ST3GAL4: variants seen among roughly 807,000 people sequenced by gnomAD.
The protein encoded by ST3GAL4 is CMP-N-acetylneuraminate-beta-galactosamide-alpha-2,3-sialyltransferase 4.
ST3GAL4 carries 24 observed loss-of-function variants against 42.6 expected under a neutral mutation model. The observed-to-expected ratio is 0.56, with a 90% CI of 0.41 to 0.79. ST3GAL4 has a LOEUF of 0.79. ST3GAL4 is among the 30% of genes least tolerant of loss of function. The pLI is 0.00. For missense variants in ST3GAL4, 311 were observed against 430.8 expected, an observed-to-expected ratio of 0.72 and a Z score of 2.46; for synonymous variants, 135 against 163.2, an observed-to-expected ratio of 0.83 and a Z score of 1.32.
chr11:126,407,546 C>G, intron 5 of ST3GAL4, 28 bp from the exon 6 acceptor site: 1 of 1,613,874 alleles, frequency 6.2e-7, no homozygotes, highest in Non-Finnish European at 8.5e-7. Context: ...TCTGTCACAT[C>G]AGTCCCTCCG....
rs941936874 is a variant in ST3GAL4 at position 126,378,366 on chromosome 11, T to C, written c.-61+22524T>C. 6.6e-6 allele frequency among the ~76,000 whole-genome samples: 1 copy of C among 152,200 alleles called. No homozygotes were observed. Among genetic ancestry groups the C allele is most frequent in the Non-Finnish European group, 1.5e-5 (1 of 68,024 alleles). On this transcript the variant is annotated intron_variant, in intron 1 of 10. Transcript: ENST00000444328. This position sits in a 1 kb window ranked among gnomAD's most constrained non-coding sequence, Gnocchi z 5.3. ...GGAGTAGGAACAAAAAACATTTCTA[T>C]GAATTTGATAAAATGACTGTATGCC...
At chr11:126,381,273 C>G (rs1207960032) in intron 1 of ST3GAL4, among the ~76,000 whole-genome samples, 2 of 152,180 alleles carry the variant, frequency 1.3e-5, no homozygotes, top group African/African-American at 4.8e-5. Flanking sequence ...CCCCCACCTC[C>G]CAAAACAGAG....
chr11:126,394,685 A>G (rs1422325817), intron 1 of ST3GAL4, among the ~76,000 whole-genome samples: 1 of 152,104 alleles, frequency 6.6e-6, no homozygotes, highest in Admixed American at 6.5e-5. Context: ...TCGGCCTCTC[A>G]AAGTGCTGGG....
chr11:126,406,029 C>T lies in ST3GAL4; in HGVS notation c.-60-67C>T. On this transcript the variant is annotated intron_variant, in intron 1 of 10. Coordinates refer to ENST00000444328, the MANE Select transcript of ST3GAL4 (RefSeq NM_001254757.2). This position sits in a 1 kb window ranked among gnomAD's most constrained non-coding sequence, Gnocchi z 5.4. ...AGGGAGGGGCAGACAGTGGGTGTGT[C>T]CTGCTCCAGTGTCTAGGCAGGAGAG... 2 of 1,528,614 alleles carry T rather than the reference C, an allele frequency of 1.3e-6. No individual in the cohort carries two copies. Among genetic ancestry groups the T allele is most frequent in the Non-Finnish European group, 1.8e-6 (2 of 1,127,708 alleles). 94.7% of individuals were successfully genotyped at this position (1,528,614 alleles called of 1,614,324 possible). A position where few individuals can be genotyped will look rare whatever the true frequency, so the allele number is the denominator to read the frequency against.
chr11:126,385,221 C>G (rs1320784669), intron 1 of ST3GAL4, among the ~76,000 whole-genome samples: 1 of 151,306 alleles, frequency 6.6e-6, no homozygotes, highest in Non-Finnish European at 1.5e-5. Context: ...CAGTGGCGAT[C>G]TCGGCTCACT....
At position 126,384,002 on chromosome 11, in the gene ST3GAL4, G is replaced by A. The variant is rs1325918383; in HGVS notation, c.-60-22094G>A. The stretch of plus-strand genomic sequence containing the variant: ...CCACCCTCATCTTTGCCGAGTCCTC[G>A]TCTGGGGGCCCTGCCCCACTCTCCC... On this transcript the variant is annotated intron_variant, in intron 1 of 10. Transcript: ENST00000444328. The surrounding 1 kb of genome is among the most constrained non-coding windows in gnomAD (Gnocchi z 5.5). Among the ~76,000 whole-genome samples, 7 of 152,248 alleles carry A rather than the reference G, an allele frequency of 4.6e-5. No individual in the cohort carries two copies. In the South Asian group the frequency reaches 8.3e-4, roughly 18 times the overall value.
chr11:126,366,776 C>T lies in ST3GAL4; in HGVS notation c.-61+10934C>T, dbSNP rs1358731847. Reference sequence around the variant, plus strand: ...CAGCAGATGTTCTGGTGAGGGGAGGCGGGAGTGCAAGGTCTGCCGAGTGAG... The same window carrying T: ...CAGCAGATGTTCTGGTGAGGGGAGGTGGGAGTGCAAGGTCTGCCGAGTGAG... On this transcript the variant is annotated intron_variant, in intron 1 of 10. Transcript: ENST00000444328. This position sits in a 1 kb window ranked among gnomAD's most constrained non-coding sequence, Gnocchi z 4.2. Among the ~76,000 whole-genome samples the T allele has an allele frequency of 1.3e-5, 2 of 152,140 alleles. No homozygotes were observed. The highest frequency in any genetic ancestry group is 2.1e-4 in the South Asian group (1 of 4,826).
rs369865465 is a variant in ST3GAL4, at chr11:126,367,051, C to T, written c.-61+11209C>T. 6.6e-5 allele frequency among the ~76,000 whole-genome samples: 10 copies of T among 152,158 alleles called. No homozygotes were observed. In the East Asian group the frequency reaches 1.6e-3, roughly 24 times the overall value. Reference sequence around the variant, plus strand: ...ACTCTGCTCAGGTGTGGGGGGCCTGCCTGTAGGGGGCACCGTGGTGGAGAT... The same window carrying T: ...ACTCTGCTCAGGTGTGGGGGGCCTGTCTGTAGGGGGCACCGTGGTGGAGAT... On this transcript the variant is annotated intron_variant, in intron 1 of 10. Coordinates refer to ENST00000444328, the MANE Select transcript of ST3GAL4 (RefSeq NM_001254757.2).
At position 126,393,045 on chromosome 11, in the gene ST3GAL4, G is replaced by A. The variant is rs963391711; in HGVS notation, c.-60-13051G>A. Among the ~76,000 whole-genome samples, 4 of 151,736 alleles carry A rather than the reference G, an allele frequency of 2.6e-5. No individual in the cohort carries two copies. The South Asian group carries it at 8.3e-4, about 32-fold the overall frequency. On this transcript the variant is annotated intron_variant, in intron 1 of 10. Coordinates refer to ENST00000444328, the MANE Select transcript of ST3GAL4 (RefSeq NM_001254757.2). This position sits in a 1 kb window ranked among gnomAD's most constrained non-coding sequence, Gnocchi z 5.9. ...AGCCTCGATCTCCTGGACTCAGGGG[G>A]TCCTCCTGTCTCAGCCTCCCAAGTA...
In ST3GAL4 at chr11:126,378,643, G is replaced by A. The variant is rs557400797; in HGVS notation, c.-61+22801G>A. On this transcript the variant is annotated intron_variant, in intron 1 of 10. Coordinates refer to ENST00000444328, the MANE Select transcript of ST3GAL4 (RefSeq NM_001254757.2). The surrounding 1 kb of genome is among the most constrained non-coding windows in gnomAD (Gnocchi z 5.3). ...AGGATGGTCTCGATCTCCTGACCTC[G>A]TGATCCACCCTCCTCGGCCCCCCAA... Among the ~76,000 whole-genome samples, 2 of 152,200 alleles carry A rather than the reference G, an allele frequency of 1.3e-5. No homozygotes were observed. Among genetic ancestry groups the A allele is most frequent in the South Asian group, 2.1e-4 (1 of 4,816 alleles).
intron 1 of ST3GAL4, among the ~76,000 whole-genome samples, chr11:126,372,668 G>A (rs746332004): frequency 2.0e-5 from 3 of 152,020 alleles, no homozygotes; most frequent in Non-Finnish European, 4.4e-5. Flanking sequence ...TGCGTGCCTC[G>A]ACCTCCCAAT....
At chr11:126,401,591 G>A (rs1953995408) in intron 1 of ST3GAL4, among the ~76,000 whole-genome samples, 1 of 149,156 alleles carries the variant, frequency 6.7e-6, no homozygotes, top group Non-Finnish European at 1.5e-5. Context: ...AAAAAAAAAG[G>A]TGGGCCCCGG....
At chr11:126,390,618 C>CTTTTTTTTTTTTTTTTTTTTTTTTTCTTT (rs58153137) in intron 1 of ST3GAL4, among the ~76,000 whole-genome samples, 1 of 126,686 alleles carries the variant, frequency 7.9e-6, no homozygotes, top group Non-Finnish European at 1.6e-5. Flanking sequence ...GTGTTCTTTG[C>CTTTTTTTTTTTTTTTTTTTTTTTTTCTTT]TTTTTTTTTT....
chr11:126,413,546 C>T lies in ST3GAL4; in HGVS notation c.813C>T (p.His271=). 6.2e-7 allele frequency: 1 copy of T among 1,614,272 alleles called. No homozygotes were observed. Among genetic ancestry groups the T allele is most frequent in the Non-Finnish European group, 8.5e-7 (1 of 1,180,050 alleles). Reference sequence around the variant, plus strand: ...TGTTGGCCATCACGCTGGCCCTCCACCTCTGTGACTTGGTGCACATTGCCG... The same window carrying T: ...TGTTGGCCATCACGCTGGCCCTCCATCTCTGTGACTTGGTGCACATTGCCG... ...TGLLAITLAL[H]LCDLVHIAGF... The change falls in exon 10 of 11, where the codon CAC becomes CAT. Residue 271 remains histidine, a synonymous_variant. Coordinates refer to ENST00000444328, the MANE Select transcript of ST3GAL4 (RefSeq NM_001254757.2).
At chr11:126,407,449 G>T (rs1267128015) in intron 5 of ST3GAL4, 100 bp downstream of exon 5, 1 of 1,562,466 alleles carries the variant, frequency 6.4e-7, no homozygotes, top group South Asian at 1.1e-5. Context: ...TTCTGAGCCT[G>T]ACTCGGGTAC....
At chr11:126,389,221 ATCTC>A (rs1385861177) in intron 1 of ST3GAL4, among the ~76,000 whole-genome samples, 1 of 152,236 alleles carries the variant, frequency 6.6e-6, no homozygotes, top group East Asian at 1.9e-4. Flanking sequence ...TTTCTTCACT[ATCTC>A]TATTAATATG....
At chr11:126,367,088 C>T (rs778849988) in intron 1 of ST3GAL4, among the ~76,000 whole-genome samples, 12 of 152,108 alleles carry the variant, frequency 7.9e-5, no homozygotes, top group Non-Finnish European at 1.8e-4. Flanking sequence ...GAGCACCGCT[C>T]ATGACAGGAG....
At chr11:126,381,533 G>A (rs1591444231) in intron 1 of ST3GAL4, among the ~76,000 whole-genome samples, 1 of 150,222 alleles carries the variant, frequency 6.7e-6, no homozygotes, top group East Asian at 2.0e-4. Context: ...GAGAGGGCAG[G>A]AGACGAGGGC....
intron 1 of ST3GAL4, among the ~76,000 whole-genome samples, chr11:126,377,770 C>T (rs1565401762): frequency 1.3e-5 from 2 of 152,210 alleles, no homozygotes; most frequent in South Asian, 2.1e-4. Flanking sequence ...GCCATGCGCT[C>T]GGCCAGCAAC....
Sources: allele counts gnomAD v4.1 joint callset (sites outside exome capture counted in the v4.1 genomes callset), GRCh38; gene constraint gnomAD v4.1.1; non-coding constraint Gnocchi (gnomAD v3.1); transcripts MANE v1.5; gene names NCBI Gene and HGNC (gene_info 2026-07-23, HGNC 2026-07-21).